Variants in CNTNAP5 observed in about 807,000 individuals in gnomAD.
CNTNAP5 encodes the protein contactin-associated protein-like 5.
CNTNAP5 carries 72 observed loss-of-function variants against 150.2 expected under a neutral mutation model. The ratio of observed to expected loss-of-function variants is 0.48; its 90% CI spans 0.40 to 0.58. CNTNAP5 has a LOEUF of 0.58. Ranked by LOEUF, CNTNAP5 falls within the 20% of genes least tolerant of loss-of-function variation. The probability of loss-of-function intolerance (pLI) is 0.00; values close to 1 mark genes in which losing one functional copy is unlikely to be tolerated. For synonymous variants in CNTNAP5, 672 were observed against 619.8 expected (o/e 1.08, Z -1.25); for missense variants, 1,636 against 1,626.2 (o/e 1.01, Z -0.10).
intron 4 of CNTNAP5, among the ~76,000 whole-genome samples, chr2:124,431,528 T>TATAA (rs1195130893): frequency 2.1e-5 from 3 of 145,614 alleles, no homozygotes; most frequent in African/African-American, 7.5e-5. Flanking sequence ...TATATATATA[T>TATAA]AAAATTTCTT....
chr2:124,212,019 C>T (rs1469214624), intron 1 of CNTNAP5, among the ~76,000 whole-genome samples: 4 of 152,090 alleles, frequency 2.6e-5, no homozygotes, highest in Admixed American at 1.3e-4. Flanking sequence ...AGAAAGACAA[C>T]GTTCTAGAAG....
chr2:124,051,897 T>C (rs1264099177), intron 1 of CNTNAP5, among the ~76,000 whole-genome samples: 1 of 152,196 alleles, frequency 6.6e-6, no homozygotes, highest in Admixed American at 6.5e-5. Context: ...AAACTATCTG[T>C]GATAAAGGAC....
intron 4 of CNTNAP5, among the ~76,000 whole-genome samples, chr2:124,419,066 G>A (rs1429209683): frequency 2.4e-4 from 34 of 142,252 alleles, no homozygotes; most frequent in Admixed American, 2.2e-3. Flanking sequence ...CCCGGGAAGC[G>A]GAGCTTGCAG....
intron 2 of CNTNAP5, among the ~76,000 whole-genome samples, chr2:124,225,193 A>G (rs1181866758): frequency 6.6e-6 from 1 of 152,102 alleles, no homozygotes; most frequent in East Asian, 1.9e-4. Context: ...ACACCACTAT[A>G]TTGAGAACTT....
chr2:124,149,327 A>G (rs907043311), intron 1 of CNTNAP5, among the ~76,000 whole-genome samples: 2 of 151,580 alleles, frequency 1.3e-5, no homozygotes, highest in African/African-American at 4.9e-5. Context: ...TATTATTACA[A>G]AAAAAGGATC....
At chr2:124,905,518 C>A (rs760530001) in intron 22 of CNTNAP5, among the ~76,000 whole-genome samples, 4 of 152,130 alleles carry the variant, frequency 2.6e-5, no homozygotes, top group Admixed American at 2.6e-4. Context: ...AGTGCCTTTT[C>A]TATCTTTTCT....
intron 3 of CNTNAP5, among the ~76,000 whole-genome samples, chr2:124,284,950 C>T (rs572631910): frequency 1.3e-5 from 2 of 152,086 alleles, no homozygotes; most frequent in Admixed American, 1.3e-4. Context: ...CAGGGTCTTG[C>T]TTTGTCACCC....
chr2:124,145,812 T>TAAAAAAAAAAAAAAAAAAAAAA, intron 1 of CNTNAP5, among the ~76,000 whole-genome samples: 7 of 64,168 alleles, frequency 1.1e-4, no homozygotes, highest in African/African-American at 2.1e-4. Context: ...AAAAAAACAT[T>TAAAAAAAAAAAAAAAAAAAAAA]AAAAAAAAAA....
intron 3 of CNTNAP5, among the ~76,000 whole-genome samples, chr2:124,341,007 G>A (rs887702300): frequency 1.3e-5 from 2 of 151,554 alleles, no homozygotes; most frequent in African/African-American, 2.4e-5. Context: ...GTCCATTGCA[G>A]TTCCAGGCTG....
intron 1 of CNTNAP5, among the ~76,000 whole-genome samples, chr2:124,107,426 C>A (rs1035769379): frequency 2.0e-5 from 3 of 152,208 alleles, no homozygotes; most frequent in African/African-American, 7.2e-5. Flanking sequence ...CTCAGTACAA[C>A]ACAACTCACC....
chr2:124,911,612 T>C, intron 23 of CNTNAP5, 74 bp downstream of exon 23: 1 of 1,236,034 alleles, frequency 8.1e-7, no homozygotes. Flanking sequence ...ATCTGAAGCT[T>C]TCCTTAATTA....
chr2:124,130,438 T>A (rs1683816978), intron 1 of CNTNAP5, among the ~76,000 whole-genome samples: 2 of 151,910 alleles, frequency 1.3e-5, no homozygotes, highest in African/African-American at 4.8e-5. Flanking sequence ...CCAAGCTAAA[T>A]CTTGCAGGTG....
intron 4 of CNTNAP5, among the ~76,000 whole-genome samples, chr2:124,428,079 C>G (rs1484635550): frequency 6.6e-6 from 1 of 152,170 alleles, no homozygotes; most frequent in Non-Finnish European, 1.5e-5. Context: ...AGATGGGACC[C>G]TGCACTTTGT....
chr2:124,824,248 C>G (rs1338346967), intron 19 of CNTNAP5, among the ~76,000 whole-genome samples: 1 of 152,002 alleles, frequency 6.6e-6, no homozygotes, highest in Non-Finnish European at 1.5e-5. Flanking sequence ...TGACCATGCT[C>G]TTTCCCAAAG....
chr2:124,027,911 A>C (rs1305510041), intron 1 of CNTNAP5, among the ~76,000 whole-genome samples: 1 of 152,232 alleles, frequency 6.6e-6, no homozygotes, highest in African/African-American at 2.4e-5. Context: ...CCTATGATGC[A>C]GAAGCTCTAA....
chr2:124,512,539 T>C (rs1694615593), intron 8 of CNTNAP5, among the ~76,000 whole-genome samples: 1 of 151,838 alleles, frequency 6.6e-6, no homozygotes, highest in African/African-American at 2.4e-5. Context: ...ACCAAGAAAA[T>C]ACCATGAAAA....
At chr2:124,705,864 G>A (rs7559515) in intron 13 of CNTNAP5, among the ~76,000 whole-genome samples, 58,953 of 151,958 alleles carry the variant, frequency 0.39, 11,628 homozygotes, top group Non-Finnish European at 0.42. Context: ...TTAAATTTCA[G>A]GTTAACCCTT....
At chr2:124,513,275 A>G (rs1357678550) in intron 8 of CNTNAP5, among the ~76,000 whole-genome samples, 2 of 152,156 alleles carry the variant, frequency 1.3e-5, no homozygotes, top group African/African-American at 4.8e-5. Context: ...TCTGTGTTCA[A>G]ATAGCTTCTG....
rs1210877279 is a variant in CNTNAP5 at position 124,025,666 on chromosome 2, CG to C, written c.18del (p.Leu7Ter). MDSLPRLTSVLTLLFS... is the reference protein window; with the variant it reads MDSLPXLTSVLTLLFS... ...CTCGGGGGAAATGGATTCTTTACCA[CG>C]GCTGACCAGCGTTTTGACTTTGCTG... is the stretch of plus-strand genomic sequence containing the variant. On this transcript the variant is annotated frameshift_variant, in exon 1 of 24. Coordinates refer to ENST00000682447, the MANE Select transcript of CNTNAP5 (RefSeq NM_001367498.1). LOFTEE classifies it high-confidence loss of function. 6.2e-7 allele frequency: 1 copy of C among 1,613,688 alleles called. No individual in the cohort carries two copies. The highest frequency in any genetic ancestry group is 1.7e-5 in the Admixed American group (1 of 59,984).
Sources: allele counts gnomAD v4.1 joint callset (sites outside exome capture counted in the v4.1 genomes callset), GRCh38; gene constraint gnomAD v4.1.1; transcripts MANE v1.5; gene names NCBI Gene and HGNC (gene_info 2026-07-23, HGNC 2026-07-21).